The following DSCAM variants were observed in gnomAD, a reference collection of about 807,000 sequenced individuals.
DSCAM encodes the protein DS cell adhesion molecule, also known as cell adhesion molecule DSCAM.
Under a neutral mutation model 217.7 loss-of-function variants are expected in DSCAM, and 47 were observed. That is an observed-to-expected ratio of 0.22 (90% CI 0.17 to 0.28). The LOEUF is 0.28. DSCAM is among the 10% of genes least tolerant of loss of function. DSCAM has a pLI of 1.00. For synonymous variants in DSCAM, 1,056 were observed against 1,015.3 expected (o/e 1.04, Z -0.76); for missense variants, 2,080 against 2,618.3 (o/e 0.79, Z 4.49).
At chr21:40,329,138 A>G (rs568366113) in intron 8 of DSCAM, among the ~76,000 whole-genome samples, 1 of 152,328 alleles carries the variant, frequency 6.6e-6, no homozygotes, top group African/African-American at 2.4e-5. Flanking sequence ...GAACCACCAT[A>G]TTTTCTAGCA....
At chr21:40,376,709 G>GATATCTAT (rs972123313) in intron 3 of DSCAM, among the ~76,000 whole-genome samples, 2 of 134,670 alleles carry the variant, frequency 1.5e-5, no homozygotes, top group Admixed American at 7.9e-5. Flanking sequence ...ATCTTATATA[G>GATATCTAT]ATATCTATAT....
intron 5 of DSCAM, among the ~76,000 whole-genome samples, chr21:40,349,025 T>C (rs973877487): frequency 6.7e-6 from 1 of 150,228 alleles, no homozygotes; most frequent in African/African-American, 2.5e-5. Context: ...TAGTCCCATG[T>C]ACTTGGGAGG....
At chr21:40,668,719 A>C (rs1274256095) in intron 3 of DSCAM, among the ~76,000 whole-genome samples, 1 of 152,188 alleles carries the variant, frequency 6.6e-6, no homozygotes, top group Non-Finnish European at 1.5e-5. Context: ...TTATCTGTTG[A>C]ATTAATAGAT....
chr21:40,303,423 G>T (rs1257336822), intron 9 of DSCAM, among the ~76,000 whole-genome samples: 1 of 152,054 alleles, frequency 6.6e-6, no homozygotes, highest in East Asian at 1.9e-4. Context: ...TCTGCTCAAA[G>T]ATCTCTCCAG....
chr21:40,091,903 C>T (rs148768138), intron 21 of DSCAM, among the ~76,000 whole-genome samples: 8 of 152,204 alleles, frequency 5.3e-5, no homozygotes, highest in South Asian at 2.1e-4. Context: ...CCACTGGGTC[C>T]GTCCCATGAC....
chr21:40,280,302 C>T (rs975673163), intron 10 of DSCAM, among the ~76,000 whole-genome samples: 6 of 151,522 alleles, frequency 4.0e-5, no homozygotes, highest in Admixed American at 2.6e-4. Flanking sequence ...CCCCCTCAGC[C>T]TCCCAAGTAG....
chr21:40,566,835 C>T (rs1051086856), intron 3 of DSCAM, among the ~76,000 whole-genome samples: 1 of 152,098 alleles, frequency 6.6e-6, no homozygotes, highest in Admixed American at 6.5e-5. Flanking sequence ...ATGTGTTGCA[C>T]CCTACCAAAT....
chr21:40,138,608 T>G (rs1351251308), intron 18 of DSCAM, among the ~76,000 whole-genome samples: 1 of 132,906 alleles, frequency 7.5e-6, no homozygotes, highest in East Asian at 2.3e-4. Flanking sequence ...AGGTGAGGTG[T>G]GTGTGGTGAG....
At chr21:40,545,515 C>T (rs2076575027) in intron 3 of DSCAM, among the ~76,000 whole-genome samples, 1 of 152,044 alleles carries the variant, frequency 6.6e-6, no homozygotes, top group Non-Finnish European at 1.5e-5. Context: ...TTATAAAAGC[C>T]AGAAATGTCA....
chr21:40,148,105 C>T (rs2090380093), intron 16 of DSCAM, among the ~76,000 whole-genome samples: 1 of 152,066 alleles, frequency 6.6e-6, no homozygotes, highest in Non-Finnish European at 1.5e-5. Context: ...CAAGAGAGCT[C>T]TCCTCTATTT....
intron 1 of DSCAM, among the ~76,000 whole-genome samples, chr21:40,753,462 T>A (rs1383170617): frequency 1.3e-5 from 2 of 152,214 alleles, no homozygotes; most frequent in African/African-American, 4.8e-5. Flanking sequence ...TACGGAAAGA[T>A]GAAGCAACAC....
intron 10 of DSCAM, among the ~76,000 whole-genome samples, chr21:40,290,850 G>A (rs1411361079): frequency 1.3e-5 from 2 of 152,176 alleles, no homozygotes; most frequent in African/African-American, 2.4e-5. Context: ...AACTCATACT[G>A]AGCACAAAAT....
At chr21:40,496,183 T>C (rs1359451995) in intron 3 of DSCAM, among the ~76,000 whole-genome samples, 3 of 152,120 alleles carry the variant, frequency 2.0e-5, no homozygotes, top group Non-Finnish European at 4.4e-5. Context: ...ATAAAATGTA[T>C]ATGAAACCCC....
chr21:40,100,370 C>A (rs893900308), intron 20 of DSCAM, among the ~76,000 whole-genome samples: 2 of 152,060 alleles, frequency 1.3e-5, no homozygotes, highest in African/African-American at 2.4e-5. Flanking sequence ...ATATCATCTC[C>A]TTTTGAAATA....
chr21:40,632,892 G>A (rs1029162001), intron 3 of DSCAM, among the ~76,000 whole-genome samples: 1 of 152,190 alleles, frequency 6.6e-6, no homozygotes, highest in Non-Finnish European at 1.5e-5. Context: ...TGACACCACC[G>A]ATACTCCATC....
chr21:40,515,305 C>T (rs1005406689), intron 3 of DSCAM, among the ~76,000 whole-genome samples: 6 of 152,260 alleles, frequency 3.9e-5, no homozygotes, highest in South Asian at 2.1e-4. Context: ...AACAGTTATA[C>T]GAATAGTACA....
intron 11 of DSCAM, among the ~76,000 whole-genome samples, chr21:40,209,302 C>T (rs368131014): frequency 2.0e-4 from 30 of 152,266 alleles, no homozygotes; most frequent in African/African-American, 7.2e-4. Flanking sequence ...AGTATAATGC[C>T]AGGCTTTGAG....
chr21:40,145,389 C>T (rs1458979800), intron 16 of DSCAM, among the ~76,000 whole-genome samples: 1 of 152,104 alleles, frequency 6.6e-6, no homozygotes, highest in African/African-American at 2.4e-5. Context: ...TAATCTCTTT[C>T]ATGAAGCCCC....
At chr21:40,211,931 G>C (rs2091188737) in intron 11 of DSCAM, among the ~76,000 whole-genome samples, 1 of 151,866 alleles carries the variant, frequency 6.6e-6, no homozygotes, top group South Asian at 2.1e-4. Context: ...GTGTGTGTGT[G>C]GGTTTTGTTG....
Sources: allele counts gnomAD v4.1 joint callset (sites outside exome capture counted in the v4.1 genomes callset), GRCh38; gene constraint gnomAD v4.1.1; transcripts MANE v1.5; gene names NCBI Gene and HGNC (gene_info 2026-07-23, HGNC 2026-07-21).